The following HGF variants were observed in gnomAD, a reference collection of about 807,000 sequenced individuals.
HGF encodes the protein fibroblast-derived tumor cytotoxic factor.
HGF carries 39 observed loss-of-function variants against 111.6 expected under a neutral mutation model. The ratio of observed to expected loss-of-function variants is 0.35; its 90% CI spans 0.27 to 0.46. The LOEUF (loss-of-function observed/expected upper bound fraction) is 0.46, where lower values mean the gene tolerates loss of function less well. Among genes scored for constraint, HGF ranks in the 20% least tolerant of loss-of-function variants. The pLI is 1.00. For synonymous variants in HGF, 285 were observed against 294.8 expected, an observed-to-expected ratio of 0.97 and a Z score of 0.34; for missense variants, 735 against 910.5, an observed-to-expected ratio of 0.81 and a Z score of 2.48.
At chr7:81,710,948 C>T (rs1285162385) in intron 12 of HGF, among the ~76,000 whole-genome samples, 1 of 152,116 alleles carries the variant, frequency 6.6e-6, no homozygotes, top group Non-Finnish European at 1.5e-5. Context: ...TAACTTCCTT[C>T]AGCTCAAGAG....
chr7:81,703,241 T>C (rs1260513907), intron 17 of HGF, among the ~76,000 whole-genome samples: 1 of 148,188 alleles, frequency 6.7e-6, no homozygotes, highest in Non-Finnish European at 1.5e-5. Flanking sequence ...TTCTAAAGCT[T>C]TTTTTTTTTG....
At chr7:81,707,256 G>C (rs745956310) in intron 14 of HGF, 34 bp downstream of exon 14, 2 of 1,216,110 alleles carry the variant, frequency 1.6e-6, no homozygotes, top group Non-Finnish European at 2.4e-6. Context: ...CATTTTAAAG[G>C]CTCAAAATAA....
intron 9 of HGF, among the ~76,000 whole-genome samples, chr7:81,722,155 A>T (rs1035499147): frequency 5.3e-5 from 8 of 152,058 alleles, no homozygotes; most frequent in African/African-American, 1.9e-4. Flanking sequence ...ATTCATTTTG[A>T]TGCTCAAATT....
chr7:81,763,029 G>C (rs914514269), intron 1 of HGF, 157 bp from the exon 2 acceptor site: 19 of 606,238 alleles, frequency 3.1e-5, no homozygotes, highest in Non-Finnish European at 5.5e-5. Context: ...GTAGGGAATA[G>C]TTAAGAGAAA....
rs767262402 is a variant in HGF at position 81,762,667 on chromosome 7, A to G, written c.254+40T>C. 9.8e-6 allele frequency: 14 copies of G among 1,428,460 alleles called. No individual in the cohort carries two copies. The African/African-American group carries it at 2.0e-4, about 20-fold the overall frequency. The allele number at this position is 1,428,460 out of a possible 1,614,324, so 88.5% of individuals were successfully genotyped here. ...CATGATTATAATACATGCATGCTAT[A>G]TTTGGAAAATTATTCTAAGAAGAAA... is the stretch of plus-strand genomic sequence containing the variant. On this transcript the variant is annotated intron_variant, in intron 2 of 17. Coordinates refer to ENST00000222390, the MANE Select transcript of HGF (RefSeq NM_000601.6).
chr7:81,759,137 A>G (rs977898539), intron 2 of HGF, among the ~76,000 whole-genome samples: 1 of 152,158 alleles, frequency 6.6e-6, no homozygotes, highest in African/African-American at 2.4e-5. Context: ...TTATTTCTGA[A>G]GGCTTTATTT....
At chr7:81,757,559 A>G (rs771694466) in intron 3 of HGF, among the ~76,000 whole-genome samples, 1 of 152,192 alleles carries the variant, frequency 6.6e-6, no homozygotes, top group Non-Finnish European at 1.5e-5. Context: ...CGCTGTACTT[A>G]ACATAGTCTG....
chr7:81,717,445 C>A, intron 10 of HGF, 80 bp from the exon 11 acceptor site: 1 of 1,322,038 alleles, frequency 7.6e-7, no homozygotes, highest in East Asian at 2.3e-5. Context: ...AAGATATAAT[C>A]TCAGCACATT....
chr7:81,759,335 G>A (rs569291295), intron 2 of HGF, among the ~76,000 whole-genome samples: 2 of 152,142 alleles, frequency 1.3e-5, no homozygotes, highest in Admixed American at 1.3e-4. Flanking sequence ...AATGCGCTAG[G>A]GATTCTCCTA....
At chr7:81,713,014 C>G (rs1445801660) in intron 11 of HGF, among the ~76,000 whole-genome samples, 1 of 152,006 alleles carries the variant, frequency 6.6e-6, no homozygotes. Context: ...TTGAGGCGGA[C>G]TATGGTAACA....
At chr7:81,751,495 GTCCATAGACA>G (rs199531894) in intron 5 of HGF, 14 of 408,994 alleles carry the variant, frequency 3.4e-5, no homozygotes, top group Non-Finnish European at 3.8e-5. Context: ...TGGACTTAAG[GTCCATAGACA>G]TGCCTTCAAG....
rs1386063902 is a variant in HGF, at chr7:81,701,699, A to C, written c.*882T>G. 1 of 151,632 alleles carries C rather than the reference A, an allele frequency of 6.6e-6. No homozygotes were observed. Among genetic ancestry groups the C allele is most frequent in the Non-Finnish European group, 1.5e-5 (1 of 67,674 alleles). 9.4% of individuals were successfully genotyped at this position (151,632 alleles called of 1,614,324 possible). A position where few individuals can be genotyped will look rare whatever the true frequency, so the allele number is the denominator to read the frequency against. ...AGTTTGGAGGAAACAAATTACACAAATAGAACTATTACCCTCTTTCCTTTA... is the reference window on the plus strand; with the variant it reads ...AGTTTGGAGGAAACAAATTACACAACTAGAACTATTACCCTCTTTCCTTTA... On this transcript the variant is annotated 3_prime_UTR_variant, in exon 18 of 18. Transcript: ENST00000222390.
chr7:81,759,964 T>C (rs1226403711), intron 2 of HGF, among the ~76,000 whole-genome samples: 1 of 152,224 alleles, frequency 6.6e-6, no homozygotes, highest in Non-Finnish European at 1.5e-5. Flanking sequence ...ATGATAAATT[T>C]GTTTTTAAGT....
chr7:81,751,902 T>A (rs2116114076), intron 5 of HGF: 2 of 1,381,756 alleles, frequency 1.4e-6, no homozygotes, highest in Middle Eastern at 2.7e-4. Context: ...GTGTTGAAAT[T>A]CAAACTGATA....
At chr7:81,747,181 A>G (rs1788294999) in intron 5 of HGF, among the ~76,000 whole-genome samples, 1 of 152,130 alleles carries the variant, frequency 6.6e-6, no homozygotes, top group Admixed American at 6.6e-5. Flanking sequence ...TACTAAAAAT[A>G]TAAAAAAATT....
chr7:81,755,192 C>T (rs1208755637), intron 4 of HGF: 1 of 152,002 alleles, frequency 6.6e-6, no homozygotes, highest in Non-Finnish European at 1.5e-5. Context: ...ACATTAATTT[C>T]ATCATCTTTC....
At chr7:81,719,409 C>T (rs1470441856) in intron 10 of HGF, among the ~76,000 whole-genome samples, 1 of 152,136 alleles carries the variant, frequency 6.6e-6, no homozygotes, top group Non-Finnish European at 1.5e-5. Flanking sequence ...CTTTGAAGTC[C>T]TAGAACTCCA....
intron 13 of HGF, among the ~76,000 whole-genome samples, chr7:81,709,763 A>G (rs530717615): frequency 6.6e-6 from 1 of 152,244 alleles, no homozygotes; most frequent in Non-Finnish European, 1.5e-5. Flanking sequence ...ATGATCATGC[A>G]TAAACATATT....
At chr7:81,750,813 G>T in intron 5 of HGF, 1 of 205,982 alleles carries the variant, frequency 4.9e-6, no homozygotes, top group Non-Finnish European at 5.8e-6. Context: ...TCCCCTAAAA[G>T]TAGGGTTTTT....
Sources: gnomAD v4.1 joint callset for allele counts (sites outside exome capture counted in the v4.1 genomes callset) on GRCh38, gnomAD v4.1.1 for gene constraint, MANE v1.5 for transcripts, NCBI Gene and HGNC (gene_info 2026-07-23, HGNC 2026-07-21) for gene names.